Variants in HECTD4 observed in about 807,000 individuals in gnomAD.
HECTD4 encodes the protein probable E3 ubiquitin-protein ligase HECTD4.
A neutral mutation model predicts 471.5 loss-of-function variants in HECTD4; 114 were observed. The observed-to-expected ratio is 0.24, with a 90% CI of 0.21 to 0.28. The LOEUF (loss-of-function observed/expected upper bound fraction) is 0.28, where lower values mean the gene tolerates loss of function less well. Among genes scored for constraint, HECTD4 ranks in the 10% least tolerant of loss-of-function variants. HECTD4 has a pLI of 1.00. For synonymous variants in HECTD4, 2,012 were observed against 2,256.0 expected (o/e 0.89, Z 3.07); for missense variants, 3,866 against 5,651.5 (o/e 0.68, Z 10.13).
intron 49 of HECTD4, among the ~76,000 whole-genome samples, chr12:112,210,556 A>G (rs1467507678): frequency 2.6e-5 from 4 of 152,192 alleles, no homozygotes; most frequent in African/African-American, 9.6e-5. Context: ...ACCTGACACC[A>G]GCACCCATGC....
At chr12:112,230,550 C>T (rs540015788) in intron 40 of HECTD4, 137 bp downstream of exon 40, 15 of 1,048,098 alleles carry the variant, frequency 1.4e-5, no homozygotes, top group Non-Finnish European at 2.0e-5. Flanking sequence ...AAAGCAACTT[C>T]CAGGGGAAAG....
chr12:112,210,653 T>C (rs2032735868), intron 49 of HECTD4, among the ~76,000 whole-genome samples: 1 of 152,250 alleles, frequency 6.6e-6, no homozygotes. Flanking sequence ...GCAGCACTTC[T>C]TCAGATTAAG....
Position 112,270,427 on chromosome 12 carries a change from G to T in HECTD4, c.1975C>A (p.Gln659Lys). ...ATCGCACCAACGTGGTGCAATAATTGGTTTATAACCTCATTCGTGGTTATA... is the reference window on the plus strand; with the variant it reads ...ATCGCACCAACGTGGTGCAATAATTTGTTTATAACCTCATTCGTGGTTATA... ...EAITTNEVIN[Q>K]LLHHVGAMCI... The change falls in exon 12 of 76, where the codon CAA (glutamine) becomes AAA (lysine). Residue 659 changes from glutamine (Q) to lysine (K), a missense_variant. By Grantham distance (53) the Gln-to-Lys change is moderately conservative (BLOSUM62 1). This residue lies in a region of HECTD4 where 525 missense variants were observed against 672.6 expected (regional missense o/e 0.78). Coordinates refer to ENST00000682272, the MANE Select transcript of HECTD4 (RefSeq NM_001388303.1). The T allele has an allele frequency of 6.2e-7, 1 of 1,613,950 alleles. No homozygotes were observed. The highest frequency in any genetic ancestry group is 8.5e-7 in the Non-Finnish European group (1 of 1,179,866).
Position 112,250,979 on chromosome 12 carries a change from A to G in HECTD4, c.3708T>C (p.Leu1236=). The G allele has an allele frequency of 6.2e-7, 1 of 1,609,706 alleles. No individual in the cohort carries two copies. Among genetic ancestry groups the G allele is most frequent in the Non-Finnish European group, 8.5e-7 (1 of 1,178,276 alleles). ...EACQELLRSK[L]LQRCQWQVEA... ...TTCAACCTTTTTGTTACCTTTGTAAAAGTTTGGACCGCAATAGCTCCTGAC... is the reference window on the plus strand; with the variant it reads ...TTCAACCTTTTTGTTACCTTTGTAAGAGTTTGGACCGCAATAGCTCCTGAC... The change falls in exon 24 of 76, where the codon CTT becomes CTC. Residue 1236 remains leucine (L), a synonymous_variant. Transcript: ENST00000682272.
chr12:112,181,750 G>A (rs1232142244), intron 62 of HECTD4, among the ~76,000 whole-genome samples: 2 of 152,286 alleles, frequency 1.3e-5, no homozygotes, highest in African/African-American at 2.4e-5. Context: ...ATGAGCCACC[G>A]TGCCCGGCCT....
chr12:112,165,744 C>A (rs774225888), intron 72 of HECTD4, among the ~76,000 whole-genome samples: 2 of 152,254 alleles, frequency 1.3e-5, no homozygotes, highest in African/African-American at 4.8e-5. Context: ...TTAGTCCTGT[C>A]TGTGGAGGTG....
chr12:112,212,337 A>G (rs2032788321), intron 49 of HECTD4, 150 bp downstream of exon 49: 1 of 650,792 alleles, frequency 1.5e-6, no homozygotes, highest in South Asian at 2.0e-5. Context: ...GAAGACACAC[A>G]CTTGCTCAAG....
intron 1 of HECTD4, among the ~76,000 whole-genome samples, chr12:112,360,189 T>C (rs76036330): frequency 6.6e-6 from 1 of 152,162 alleles, no homozygotes; most frequent in African/African-American, 2.4e-5. Context: ...GGCAGTAGCA[T>C]GCACCTATAG....
Position 112,193,581 on chromosome 12 carries a change from T to C in HECTD4, c.8843A>G (p.Gln2948Arg). The C allele has an allele frequency of 6.2e-7, 1 of 1,613,220 alleles. No homozygotes were observed. Among genetic ancestry groups the C allele is most frequent in the African/African-American group, 1.3e-5 (1 of 75,044 alleles). ...QNCSATDLFYQGNSQTVREWL... is the reference protein window; with the variant it reads ...QNCSATDLFYRGNSQTVREWL... ...CTCTCTCACTGTCTGGGAGTTGCCC[T>C]GGTAAAAGAGGTCCGTGGCGGAGCA... Residue 2948 changes from glutamine to arginine, a missense_variant, in exon 57 of 76, where the codon CAG becomes CGG. By Grantham distance (43) the Gln-to-Arg change is conservative. Transcript: ENST00000682272. This position sits in a 1 kb window ranked among gnomAD's most constrained non-coding sequence, Gnocchi z 5.2.
chr12:112,246,986 G>T lies in HECTD4; in HGVS notation c.4428C>A (p.Asn1476Lys). Residue 1476 changes from asparagine (N) to lysine (K), a missense_variant, in exon 29 of 76, where the codon AAC (asparagine) becomes AAA (lysine). Transcript: ENST00000682272. ...KTKTLVKSLM[N>K]RAELLLHVTI... Reference sequence around the variant, plus strand: ...TGACATGCAGCAACAGCTCGGCTCGGTTCATTAAACTCTTCACTAACGTCT... The same window carrying T: ...TGACATGCAGCAACAGCTCGGCTCGTTTCATTAAACTCTTCACTAACGTCT... 1 of 1,612,046 alleles carries T rather than the reference G, an allele frequency of 6.2e-7. No homozygotes were observed. Among genetic ancestry groups the T allele is most frequent in the South Asian group, 1.1e-5 (1 of 90,936 alleles).
chr12:112,208,923 A>G (rs1016396968), intron 50 of HECTD4, among the ~76,000 whole-genome samples: 1 of 90,610 alleles, frequency 1.1e-5, no homozygotes. Context: ...TTTTTTTGAG[A>G]CAGAAGCTCA....
chr12:112,326,509 A>C (rs1325900991), intron 1 of HECTD4, among the ~76,000 whole-genome samples: 1 of 152,028 alleles, frequency 6.6e-6, no homozygotes, highest in African/African-American at 2.4e-5. Context: ...AAAAACAAAA[A>C]CAAAAAAAAC....
At chr12:112,167,634 G>A (rs997995603) in intron 71 of HECTD4, 96 bp from the exon 72 acceptor site, 18 of 1,127,792 alleles carry the variant, frequency 1.6e-5, no homozygotes, top group Middle Eastern at 2.2e-4. Context: ...TGGCAGGCAG[G>A]AGAGAAGTCA....
At chr12:112,191,193 G>A (rs193072897) in intron 59 of HECTD4, among the ~76,000 whole-genome samples, 2 of 152,192 alleles carry the variant, frequency 1.3e-5, no homozygotes, top group Non-Finnish European at 2.9e-5. Flanking sequence ...GGGTGGATTT[G>A]GCAAATGGGA....
intron 54 of HECTD4, among the ~76,000 whole-genome samples, chr12:112,202,804 C>T (rs781529940): frequency 2.0e-5 from 3 of 152,218 alleles, no homozygotes; most frequent in South Asian, 2.1e-4. Flanking sequence ...GCCCCCTTCC[C>T]GAAAAGTCCT....
intron 73 of HECTD4, 80 bp downstream of exon 73, chr12:112,164,029 C>G (rs549270232): frequency 1.5e-6 from 2 of 1,332,766 alleles, no homozygotes; most frequent in African/African-American, 3.0e-5. Flanking sequence ...TGTCATTGCC[C>G]AGGAACAGAT....
At chr12:112,216,457 AG>A (rs1471204711) in intron 47 of HECTD4, 86 bp from the exon 48 acceptor site, 15 of 906,144 alleles carry the variant, frequency 1.7e-5, no homozygotes, top group Non-Finnish European at 2.3e-5. Flanking sequence ...GGTGAAGTGG[AG>A]GGGGGGTGGT....
chr12:112,369,259 C>A (rs542888964), intron 1 of HECTD4, among the ~76,000 whole-genome samples: 12 of 152,032 alleles, frequency 7.9e-5, no homozygotes, highest in African/African-American at 2.9e-4. Context: ...GTTCAGCGTG[C>A]ATTTCTAGGT....
Position 112,243,473 on chromosome 12 carries a change from C to T in HECTD4, c.4838G>A (p.Arg1613Gln). The change falls in exon 32 of 76, where the codon CGG (arginine) becomes CAG (glutamine). Residue 1613 changes from arginine (R) to glutamine (Q), a missense_variant. Transcript: ENST00000682272. The surrounding 1 kb of genome is among the most constrained non-coding windows in gnomAD (Gnocchi z 6.6). ...CAGTGCCTGCTTGCGAGTGTTTCCCCGCCGCCACCTTGTCTGTGCAGCCAA... is the reference window on the plus strand; with the variant it reads ...CAGTGCCTGCTTGCGAGTGTTTCCCTGCCGCCACCTTGTCTGTGCAGCCAA... ...FLLAAQTRWRRGNTRKQALVH... is the reference protein window; with the variant it reads ...FLLAAQTRWRQGNTRKQALVH... 1.2e-6 allele frequency: 2 copies of T among 1,607,552 alleles called. No homozygotes were observed. Among genetic ancestry groups the T allele is most frequent in the Non-Finnish European group, 1.7e-6 (2 of 1,177,072 alleles).
Sources: gnomAD v4.1 joint callset for allele counts (sites outside exome capture counted in the v4.1 genomes callset) on GRCh38, gnomAD v4.1.1 for gene constraint, gnomAD v4.1.1 regional missense constraint, Gnocchi (gnomAD v3.1) non-coding constraint, MANE v1.5 for transcripts, NCBI Gene and HGNC (gene_info 2026-07-23, HGNC 2026-07-21) for gene names.